Variants in TRPC5OS observed in about 807,000 individuals in gnomAD.
The protein encoded by TRPC5OS is putative uncharacterized protein TRPC5OS.
For missense variants in TRPC5OS, 64 were observed against 79.3 expected (o/e 0.81, Z 0.73); for synonymous variants, 30 against 29.3 (o/e 1.02, Z -0.08).
At chrX:111,890,517 G>A (rs990672534) in intron 1 of TRPC5OS, among the ~76,000 whole-genome samples, 2 of 110,880 alleles carry the variant, frequency 1.8e-5, no homozygotes, top group South Asian at 3.9e-4. Flanking sequence ...AAACATCCAC[G>A]GGTTTTAGTA....
At chrX:111,876,392 T>G (rs1298267738) in intron 1 of TRPC5OS, 119 bp downstream of exon 1, 1 of 112,112 alleles carries the variant, frequency 8.9e-6, no homozygotes, top group Non-Finnish European at 1.9e-5. Flanking sequence ...AGCACTTGCC[T>G]TCTTCTCCTG....
chrX:111,893,030 T>G (rs1411487130), intron 1 of TRPC5OS, among the ~76,000 whole-genome samples: 1 of 110,952 alleles, frequency 9.0e-6, no homozygotes, highest in Non-Finnish European at 1.9e-5. Context: ...ACAGAGTAGC[T>G]TAGCAACCTT....
At chrX:111,889,412 A>G (rs1924696070) in intron 1 of TRPC5OS, among the ~76,000 whole-genome samples, 1 of 112,471 alleles carries the variant, frequency 8.9e-6, no homozygotes, top group Non-Finnish European at 1.9e-5. Flanking sequence ...GCCTGCCTTC[A>G]GATTCCCCTG....
intron 1 of TRPC5OS, among the ~76,000 whole-genome samples, chrX:111,895,191 C>G (rs1925005965): frequency 9.0e-6 from 1 of 111,373 alleles, no homozygotes; most frequent in South Asian, 3.8e-4. Context: ...GTTTTCAGTG[C>G]TTGGTATTGT....
chrX:111,897,894 T>C (rs754500018), intron 3 of TRPC5OS, among the ~76,000 whole-genome samples: 80 of 111,151 alleles, frequency 7.2e-4, no homozygotes, highest in Non-Finnish European at 1.4e-3. Flanking sequence ...TAAATACCTA[T>C]GAGTAGAATT....
chrX:111,886,619 A>C (rs1924510487), intron 1 of TRPC5OS, among the ~76,000 whole-genome samples: 1 of 112,068 alleles, frequency 8.9e-6, no homozygotes, highest in South Asian at 3.8e-4. Flanking sequence ...CACTGAAGAC[A>C]AACCTGGTCT....
At chrX:111,882,391 GC>G (rs1022883861) in intron 1 of TRPC5OS, among the ~76,000 whole-genome samples, 1 of 112,163 alleles carries the variant, frequency 8.9e-6, no homozygotes, top group Non-Finnish European at 1.9e-5. Context: ...CCAGAGTACG[GC>G]CTGAAACTGC....
intron 1 of TRPC5OS, among the ~76,000 whole-genome samples, chrX:111,885,453 G>C (rs1393686523): frequency 2.7e-5 from 3 of 110,443 alleles, no homozygotes; most frequent in African/African-American, 6.6e-5. Context: ...GTTTTCCTAA[G>C]ATTTTCTATA....
intron 1 of TRPC5OS, among the ~76,000 whole-genome samples, chrX:111,891,859 T>G (rs975023141): frequency 8.9e-6 from 1 of 112,404 alleles, no homozygotes; most frequent in Non-Finnish European, 1.9e-5. Context: ...TACACAGGAT[T>G]ATTATAAGTT....
chrX:111,898,485 AT>A (rs1280339220), intron 3 of TRPC5OS, among the ~76,000 whole-genome samples: 1 of 109,095 alleles, frequency 9.2e-6, no homozygotes, highest in Non-Finnish European at 1.9e-5. Context: ...AAGCTTGATA[AT>A]ATTTACTGAA....
At chrX:111,878,136 G>T (rs369675347) in intron 1 of TRPC5OS, among the ~76,000 whole-genome samples, 5 of 110,130 alleles carry the variant, frequency 4.5e-5, no homozygotes, top group African/African-American at 1.7e-4. Flanking sequence ...AACTCTTCTT[G>T]GAAGTTTTCC....
At chrX:111,893,648 T>A (rs1402026905) in intron 1 of TRPC5OS, among the ~76,000 whole-genome samples, 1 of 111,648 alleles carries the variant, frequency 9.0e-6, no homozygotes, top group African/African-American at 3.3e-5. Context: ...CTACTCCCCC[T>A]TTTTTTAGTT....
chrX:111,884,084 G>GTC lies in TRPC5OS; in HGVS notation c.-546+7813_-546+7814dup, dbSNP rs776284501. ...AAGTCAGAGCCTAGGTAAGGCTTAA[G>GTC]TCTAGTTAAGTATTAGGCAGAAACT... On this transcript the variant is annotated intron_variant, in intron 1 of 3. Transcript: ENST00000635763. Among the ~76,000 whole-genome samples, 3 of 112,549 alleles carry GTC rather than the reference G, an allele frequency of 2.7e-5. No individual in the cohort carries two copies. The South Asian group carries it at 1.1e-3, about 41-fold the overall frequency.
intron 1 of TRPC5OS, among the ~76,000 whole-genome samples, chrX:111,893,714 T>C (rs759765899): frequency 3.0e-4 from 34 of 112,159 alleles, no homozygotes; most frequent in Non-Finnish European, 6.2e-4. Flanking sequence ...GCTCCTCAGC[T>C]GCACAATTCT....
At position 111,884,550 on chromosome X, in the gene TRPC5OS, C is replaced by T. The variant is rs1603075200; in HGVS notation, c.-546+8277C>T. Among the ~76,000 whole-genome samples the T allele has an allele frequency of 3.5e-5, 4 of 112,709 alleles. 1 individual carries two copies. Among genetic ancestry groups the T allele is most frequent in the Admixed American group, 2.8e-4 (3 of 10,717 alleles). On this transcript the variant is annotated intron_variant, in intron 1 of 3. Transcript: ENST00000635763. ...GGCCAAAGCCCAGTTAAGGTTTAGT[C>T]AGAAGCCAGTTGAAGCCTAGCCAAG... is the stretch of plus-strand genomic sequence containing the variant.
chrX:111,895,195 G>C (rs1925006463), intron 1 of TRPC5OS, among the ~76,000 whole-genome samples: 1 of 111,270 alleles, frequency 9.0e-6, no homozygotes, highest in African/African-American at 3.3e-5. Flanking sequence ...TCAGTGCTTG[G>C]TATTGTCAGT....
intron 1 of TRPC5OS, among the ~76,000 whole-genome samples, chrX:111,887,729 A>G (rs1723892493): frequency 8.9e-6 from 1 of 112,172 alleles, no homozygotes; most frequent in African/African-American, 3.2e-5. Flanking sequence ...ATAAAACGCT[A>G]TAAAAATGTA....
chrX:111,882,480 C>T (rs1223531743), intron 1 of TRPC5OS, among the ~76,000 whole-genome samples: 3 of 112,548 alleles, frequency 2.7e-5, no homozygotes, highest in South Asian at 3.6e-4. Flanking sequence ...GTGATCCTTA[C>T]GAAAGAGTAG....
intron 1 of TRPC5OS, among the ~76,000 whole-genome samples, chrX:111,892,485 G>T (rs1924853111): frequency 8.9e-6 from 1 of 112,352 alleles, no homozygotes; most frequent in African/African-American, 3.2e-5. Flanking sequence ...CATAGCCAAT[G>T]TGTAGCCCAC....
Sources: allele counts gnomAD v4.1 joint callset (sites outside exome capture counted in the v4.1 genomes callset), GRCh38; gene constraint gnomAD v4.1.1; transcripts MANE v1.5; gene names NCBI Gene and HGNC (gene_info 2026-07-23, HGNC 2026-07-21).